The following PTPRD variants were observed in gnomAD, a reference collection of about 807,000 sequenced individuals.
PTPRD encodes the protein receptor-type tyrosine-protein phosphatase delta.
A neutral mutation model predicts 214.5 loss-of-function variants in PTPRD; 34 were observed. That is an observed-to-expected ratio of 0.16 (90% CI 0.12 to 0.21). The LOEUF is 0.21. PTPRD is among the 10% of genes least tolerant of loss of function. The pLI is 1.00. For synonymous variants in PTPRD, 1,128 were observed against 845.7 expected (o/e 1.33, Z -5.79); for missense variants, 2,545 against 2,398.7 (o/e 1.06, Z -1.27).
rs186242257 is a variant in PTPRD at position 8,473,371 on chromosome 9, C to A, written c.3414-2286G>T. Among the ~76,000 whole-genome samples, 804 of 152,188 alleles carry A rather than the reference C, an allele frequency of 5.3e-3. 4 individuals are homozygous for A. Among genetic ancestry groups the A allele is most frequent in the African/African-American group, 0.018 (755 of 41,508 alleles). ...CAGAGTAAGCTTCCCCCTCTCCTGT[C>A]CTCCCACCATCTGAAGGATTTACCG... On this transcript the variant is annotated intron_variant, in intron 30 of 45. Transcript: ENST00000381196.
At chr9:8,405,805 G>C (rs1377709542) in intron 35 of PTPRD, among the ~76,000 whole-genome samples, 1 of 151,918 alleles carries the variant, frequency 6.6e-6, no homozygotes, top group Non-Finnish European at 1.5e-5. Flanking sequence ...TTGATGCCGG[G>C]TATTTTTCAT....
chr9:8,339,587 G>A (rs1368136836), intron 42 of PTPRD, among the ~76,000 whole-genome samples: 1 of 152,112 alleles, frequency 6.6e-6, no homozygotes, highest in Admixed American at 6.6e-5. Flanking sequence ...CCAAATCAGA[G>A]TAAGTCAGTT....
chr9:9,176,057 T>A (rs2099924653), intron 10 of PTPRD, among the ~76,000 whole-genome samples: 1 of 152,180 alleles, frequency 6.6e-6, no homozygotes, highest in East Asian at 1.9e-4. Context: ...ATTTAATAAT[T>A]CAGCAATCTC....
intron 11 of PTPRD, among the ~76,000 whole-genome samples, chr9:8,832,043 T>G (rs751587383): frequency 1.1e-4 from 16 of 152,198 alleles, no homozygotes; most frequent in South Asian, 4.1e-4. Flanking sequence ...TGCAACCTTC[T>G]GAGAGCTATA....
At chr9:10,158,633 A>G (rs2099108490) in intron 3 of PTPRD, among the ~76,000 whole-genome samples, 2 of 152,138 alleles carry the variant, frequency 1.3e-5, no homozygotes, top group African/African-American at 4.8e-5. Flanking sequence ...TGGGCTGCAG[A>G]TAAATAGAAG....
intron 11 of PTPRD, among the ~76,000 whole-genome samples, chr9:8,880,562 T>A (rs1210965706): frequency 6.6e-6 from 1 of 152,124 alleles, no homozygotes; most frequent in Non-Finnish European, 1.5e-5. Context: ...AGTAATGAAA[T>A]AACATTACAT....
At chr9:8,953,628 A>G (rs558301391) in intron 11 of PTPRD, among the ~76,000 whole-genome samples, 3 of 152,138 alleles carry the variant, frequency 2.0e-5, no homozygotes, top group African/African-American at 7.2e-5. Context: ...CAGAATGTAT[A>G]AGGAACTTAA....
At chr9:9,618,974 G>C (rs922995709) in intron 7 of PTPRD, among the ~76,000 whole-genome samples, 2 of 152,094 alleles carry the variant, frequency 1.3e-5, no homozygotes, top group Non-Finnish European at 2.9e-5. Context: ...AGAGAGTAGA[G>C]TCCTGGAAGC....
intron 8 of PTPRD, among the ~76,000 whole-genome samples, chr9:9,504,722 G>A (rs536417603): frequency 6.6e-6 from 1 of 151,590 alleles, no homozygotes; most frequent in East Asian, 1.9e-4. Context: ...ATCTCTATTT[G>A]TGAGATGACA....
chr9:8,353,937 C>CATATATATATATATATATAT (rs59488682), intron 39 of PTPRD, among the ~76,000 whole-genome samples: 3 of 61,302 alleles, frequency 4.9e-5, no homozygotes, highest in African/African-American at 2.0e-4. Flanking sequence ...TGTGTGTGTA[C>CATATATATATATATATATAT]ATATATATAT....
chr9:10,375,335 C>T (rs1047923849), intron 2 of PTPRD, among the ~76,000 whole-genome samples: 1 of 151,882 alleles, frequency 6.6e-6, no homozygotes, highest in African/African-American at 2.4e-5. Context: ...AAGTCTGATC[C>T]TTTTATTTCT....
At chr9:9,884,784 T>A (rs2070191431) in intron 5 of PTPRD, among the ~76,000 whole-genome samples, 1 of 152,144 alleles carries the variant, frequency 6.6e-6, no homozygotes, top group African/African-American at 2.4e-5. Flanking sequence ...AAGGGGCTTT[T>A]CCCCACTTGC....
chr9:8,707,621 C>T (rs1201469317), intron 12 of PTPRD, among the ~76,000 whole-genome samples: 1 of 152,164 alleles, frequency 6.6e-6, no homozygotes, highest in Non-Finnish European at 1.5e-5. Context: ...TCTAGTTTTT[C>T]CTTTCCATCT....
chr9:9,157,379 CTT>C (rs2099882132), intron 10 of PTPRD, among the ~76,000 whole-genome samples: 1 of 151,700 alleles, frequency 6.6e-6, no homozygotes, highest in Non-Finnish European at 1.5e-5. Context: ...TCAATAAACT[CTT>C]AGATTAATGA....
chr9:9,098,949 T>C (rs1025217709), intron 10 of PTPRD, among the ~76,000 whole-genome samples: 1 of 152,200 alleles, frequency 6.6e-6, no homozygotes, highest in African/African-American at 2.4e-5. Flanking sequence ...CATTGTGGTA[T>C]AGTCACATTA....
intron 10 of PTPRD, among the ~76,000 whole-genome samples, chr9:9,028,854 C>G (rs1042937698): frequency 6.6e-6 from 1 of 151,686 alleles, no homozygotes; most frequent in African/African-American, 2.4e-5. Flanking sequence ...AGTGAGAGAG[C>G]CTTACATATT....
intron 10 of PTPRD, among the ~76,000 whole-genome samples, chr9:9,148,397 T>A (rs2099872232): frequency 6.6e-6 from 1 of 152,152 alleles, no homozygotes; most frequent in East Asian, 1.9e-4. Flanking sequence ...AAACCCAACC[T>A]GTAATTATAT....
At chr9:9,964,641 G>A (rs982335635) in intron 4 of PTPRD, among the ~76,000 whole-genome samples, 4 of 152,102 alleles carry the variant, frequency 2.6e-5, no homozygotes, top group Admixed American at 2.6e-4. Context: ...AGTTTATAAA[G>A]TTTTTAAAAA....
chr9:9,049,810 A>G (rs2099681172), intron 10 of PTPRD, among the ~76,000 whole-genome samples: 1 of 152,190 alleles, frequency 6.6e-6, no homozygotes, highest in African/African-American at 2.4e-5. Context: ...AATTTAAAAC[A>G]ACCATCTTAT....
Sources: allele counts gnomAD v4.1 joint callset (sites outside exome capture counted in the v4.1 genomes callset), GRCh38; gene constraint gnomAD v4.1.1; transcripts MANE v1.5; gene names NCBI Gene and HGNC (gene_info 2026-07-23, HGNC 2026-07-21).